RANBP3: variants seen among roughly 807,000 people sequenced by gnomAD.
The protein encoded by RANBP3 is ran-binding protein 3.
A neutral mutation model predicts 77.3 loss-of-function variants in RANBP3; 14 were observed. The ratio of observed to expected loss-of-function variants is 0.18; its 90% CI spans 0.12 to 0.28. The LOEUF (loss-of-function observed/expected upper bound fraction) is 0.28. Among genes scored for constraint, RANBP3 ranks in the 10% least tolerant of loss-of-function variants. The probability of loss-of-function intolerance (pLI) is 1.00; values close to 1 mark genes in which losing one functional copy is unlikely to be tolerated. For synonymous variants in RANBP3, 315 were observed against 312.4 expected (o/e 1.01, Z -0.09); for missense variants, 586 against 752.3 (o/e 0.78, Z 2.59).
At chr19:5,927,062 TGACAACCACAAAAGTCTCTA>T (rs1161636981) in intron 9 of RANBP3, among the ~76,000 whole-genome samples, 1 of 152,124 alleles carries the variant, frequency 6.6e-6, no homozygotes, top group Non-Finnish European at 1.5e-5. Flanking sequence ...CTCCCAGTTG[TGACAACCACAAAAGTCTCTA>T]GACACAGCCA....
Position 5,924,983 on chromosome 19 carries a change from A to T in RANBP3, c.918-78T>A. ...GCAAATGTATGGGTACCCATGGAGC[A>T]CACACTGACACAGAGGGCACAGTGG... On this transcript the variant is annotated intron_variant, in intron 10 of 16. Transcript: ENST00000340578. This position sits in a 1 kb window ranked among gnomAD's most constrained non-coding sequence, Gnocchi z 4.7. 7.7e-7 allele frequency: 1 copy of T among 1,303,928 alleles called. No individual in the cohort carries two copies. The allele number at this position is 1,303,928 out of a possible 1,614,324, so 80.8% of individuals were successfully genotyped here.
intron 5 of RANBP3, among the ~76,000 whole-genome samples, chr19:5,935,327 C>G (rs763394292): frequency 6.6e-6 from 1 of 152,138 alleles, no homozygotes; most frequent in Admixed American, 6.6e-5. Flanking sequence ...GTGCCTCTCC[C>G]GTAACAGACT....
Position 5,917,900 on chromosome 19 carries a change from C to T in RANBP3, c.1554G>A (p.Glu518=), listed in dbSNP as rs372111363. 5.6e-4 allele frequency: 899 copies of T among 1,612,924 alleles called. No individual in the cohort carries two copies. The highest frequency in any genetic ancestry group is 7.4e-4 in the Non-Finnish European group (870 of 1,179,958). ...CAGGCGCGGGCATCTTGGCCTCCTGCTCCTGCTCCACGCGGCTGCGCAGGG... is the reference window on the plus strand; with the variant it reads ...CAGGCGCGGGCATCTTGGCCTCCTGTTCCTGCTCCACGCGGCTGCGCAGGG... ...ILALRSRVEQ[E]QEAKMPAPEP... The change falls in exon 16 of 17, where the codon GAG becomes GAA. Residue 518 remains glutamate (E), a synonymous_variant. Coordinates refer to ENST00000340578, the MANE Select transcript of RANBP3 (RefSeq NM_007322.3).
chr19:5,941,756 C>T, intron 4 of RANBP3, 43 bp downstream of exon 4: 1 of 1,612,582 alleles, frequency 6.2e-7, no homozygotes, highest in Non-Finnish European at 8.5e-7. Flanking sequence ...TTGCTTCTGT[C>T]TTTAAAACTG....
Position 5,917,994 on chromosome 19 carries a change from A to G in RANBP3, c.1474-14T>C. 6.4e-7 allele frequency: 1 copy of G among 1,574,490 alleles called. No individual in the cohort carries two copies. Among genetic ancestry groups the G allele is most frequent in the Non-Finnish European group, 8.6e-7 (1 of 1,156,848 alleles). ...CTTGGAGCTGGCCTGGGAAGGGAGGAGGGTATGAGACCCCCGGACCCCAGT... is the reference window on the plus strand; with the variant it reads ...CTTGGAGCTGGCCTGGGAAGGGAGGGGGGTATGAGACCCCCGGACCCCAGT... On this transcript the variant is annotated splice_polypyrimidine_tract_variant and intron_variant, in intron 15 of 16. Transcript: ENST00000340578.
intron 5 of RANBP3, chr19:5,935,889 C>G (rs577137684): frequency 2.2e-6 from 1 of 445,174 alleles, no homozygotes. Flanking sequence ...CAGAGCCCGA[C>G]GCCTGCCACA....
At chr19:5,937,053 C>T (rs1403465357) in intron 5 of RANBP3, among the ~76,000 whole-genome samples, 54 of 17,854 alleles carry the variant, frequency 3.0e-3, no homozygotes, top group Middle Eastern at 0.083. Context: ...AAGACTCTGT[C>T]TCCAAAAAAA....
chr19:5,930,708 A>G (rs2057977601), intron 8 of RANBP3, among the ~76,000 whole-genome samples: 1 of 152,120 alleles, frequency 6.6e-6, no homozygotes, highest in Non-Finnish European at 1.5e-5. Context: ...AGCTGGGACT[A>G]CAGGTACATG....
chr19:5,931,271 C>A (rs1035676600), intron 8 of RANBP3, 133 bp downstream of exon 8: 2 of 1,048,678 alleles, frequency 1.9e-6, no homozygotes, highest in African/African-American at 3.2e-5. Context: ...TCCAGAGAGC[C>A]TTACAATAGG....
intron 1 of RANBP3, among the ~76,000 whole-genome samples, chr19:5,977,296 C>A (rs1482330020): frequency 3.3e-5 from 5 of 151,912 alleles, no homozygotes; most frequent in Non-Finnish European, 2.9e-5. Context: ...CCTTATGGTG[C>A]CTTCTCGGGG....
chr19:5,933,113 G>A, intron 6 of RANBP3: 1 of 393,706 alleles, frequency 2.5e-6, no homozygotes, highest in Non-Finnish European at 4.6e-6. Context: ...AGAACATGAA[G>A]GACAGACAGG....
At chr19:5,967,206 T>C (rs1422734533) in intron 1 of RANBP3, among the ~76,000 whole-genome samples, 3 of 152,244 alleles carry the variant, frequency 2.0e-5, no homozygotes, top group African/African-American at 7.2e-5. Context: ...GGTGGGACCC[T>C]GGATGACTCC....
rs200302980 is a variant in RANBP3 at position 5,941,774 on chromosome 19, T to C, written c.319+25A>G. The C allele has an allele frequency of 7.1e-5, 114 of 1,612,292 alleles. 1 individual carries two copies. The African/African-American group carries it at 1.4e-3, about 20-fold the overall frequency. ...CTTCTGTCTTTAAAACTGAAGATGG[T>C]CAAAGGTGTTAGAGAGCTCCTTACC... On this transcript the variant is annotated intron_variant, in intron 4 of 16. Coordinates refer to ENST00000340578, the MANE Select transcript of RANBP3 (RefSeq NM_007322.3).
intron 10 of RANBP3, chr19:5,925,170 G>C: frequency 1.9e-6 from 1 of 528,570 alleles, no homozygotes; most frequent in East Asian, 3.4e-5. Context: ...TCTCCCAGTC[G>C]GGACACGCTT....
chr19:5,925,151 A>C (rs1599725423), intron 10 of RANBP3: 2 of 543,376 alleles, frequency 3.7e-6, no homozygotes, highest in Non-Finnish European at 3.3e-6. Flanking sequence ...CACCTGCTCT[A>C]CCCGCCCATC....
chr19:5,943,613 T>A (rs2058166848), intron 3 of RANBP3, among the ~76,000 whole-genome samples: 1 of 152,164 alleles, frequency 6.6e-6, no homozygotes, highest in African/African-American at 2.4e-5. Context: ...AAAGCTACCC[T>A]GGACTTTCTC....
rs111669895 is a variant in RANBP3 at position 5,933,046 on chromosome 19, G to A, written c.472+368C>T. 8.1e-4 allele frequency: 221 copies of A among 271,750 alleles called. 3 individuals are homozygous for A. The highest frequency in any genetic ancestry group is 4.5e-3 in the African/African-American group (204 of 44,952). 16.8% of individuals were successfully genotyped at this position (271,750 alleles called of 1,614,324 possible). ...CTAGCAGCCGGCTCACTAGCAGCGCGCCGCTGGAATGCAGCCACCCTGCTA... is the reference window on the plus strand; with the variant it reads ...CTAGCAGCCGGCTCACTAGCAGCGCACCGCTGGAATGCAGCCACCCTGCTA... On this transcript the variant is annotated intron_variant, in intron 6 of 16. Transcript: ENST00000340578.
chr19:5,962,834 G>A (rs2058420716), intron 1 of RANBP3: 1 of 440,372 alleles, frequency 2.3e-6, no homozygotes. Flanking sequence ...AGGCAGGACC[G>A]CCCCACTGCC....
At chr19:5,945,152 C>T (rs1026748487) in intron 3 of RANBP3, among the ~76,000 whole-genome samples, 4 of 152,150 alleles carry the variant, frequency 2.6e-5, no homozygotes, top group Admixed American at 1.3e-4. Flanking sequence ...AGTAGAAGCC[C>T]GTTTAGCATT....
Sources: gnomAD v4.1 joint callset for allele counts (sites outside exome capture counted in the v4.1 genomes callset) on GRCh38, gnomAD v4.1.1 for gene constraint, Gnocchi (gnomAD v3.1) non-coding constraint, MANE v1.5 for transcripts, NCBI Gene and HGNC (gene_info 2026-07-23, HGNC 2026-07-21) for gene names.